The following NALF1 variants were observed in gnomAD, a reference collection of about 807,000 sequenced individuals.
NALF1 encodes the protein family with sequence similarity 155 member A.
A neutral mutation model predicts 48.4 loss-of-function variants in NALF1; 3 were observed. The ratio of observed to expected loss-of-function variants is 0.06; its 90% CI spans 0.03 to 0.16. NALF1 has a LOEUF of 0.16. Among genes scored for constraint, NALF1 ranks in the 10% least tolerant of loss-of-function variants. The pLI is 1.00. For missense variants in NALF1, 526 were observed against 571.5 expected (o/e 0.92, Z 0.81); for synonymous variants, 262 against 245.7 (o/e 1.07, Z -0.62).
intron 1 of NALF1, among the ~76,000 whole-genome samples, chr13:107,851,341 G>GT (rs34705065): frequency 0.022 from 3,168 of 143,326 alleles, 63 homozygotes; most frequent in African/African-American, 0.058. Context: ...CAGATGAACA[G>GT]TTTTTTTTTT....
At chr13:107,770,195 G>A (rs930635569) in intron 1 of NALF1, among the ~76,000 whole-genome samples, 3 of 152,154 alleles carry the variant, frequency 2.0e-5, no homozygotes, top group African/African-American at 7.2e-5. Flanking sequence ...TTACAGGCGT[G>A]AGCCACCGCG....
intron 1 of NALF1, among the ~76,000 whole-genome samples, chr13:107,248,039 T>C (rs1594088304): frequency 6.6e-6 from 1 of 152,238 alleles, no homozygotes; most frequent in South Asian, 2.1e-4. Flanking sequence ...AGGAGAGTTA[T>C]GCACCTGGGA....
chr13:107,721,370 C>G (rs940825710), intron 1 of NALF1, among the ~76,000 whole-genome samples: 2 of 152,208 alleles, frequency 1.3e-5, no homozygotes, highest in Non-Finnish European at 2.9e-5. Flanking sequence ...CCTTCCAGAA[C>G]ACAACTGTTG....
At chr13:107,646,765 T>C (rs527443946) in intron 1 of NALF1, among the ~76,000 whole-genome samples, 19 of 152,284 alleles carry the variant, frequency 1.2e-4, no homozygotes, top group African/African-American at 4.6e-4. Context: ...CATTGACAGC[T>C]ATCTTTAAGA....
At chr13:107,177,397 C>T (rs945638576) in intron 2 of NALF1, among the ~76,000 whole-genome samples, 8 of 152,066 alleles carry the variant, frequency 5.3e-5, no homozygotes, top group Non-Finnish European at 1.0e-4. Context: ...ACAAATAATT[C>T]TAAAATTTAT....
At chr13:107,709,810 G>A (rs1030156084) in intron 1 of NALF1, among the ~76,000 whole-genome samples, 10 of 152,172 alleles carry the variant, frequency 6.6e-5, no homozygotes, top group African/African-American at 2.4e-4. Context: ...ACAGTGCTAA[G>A]ATGACGATCT....
intron 1 of NALF1, among the ~76,000 whole-genome samples, chr13:107,751,166 G>C (rs190173158): frequency 9.2e-5 from 14 of 152,324 alleles, no homozygotes; most frequent in Non-Finnish European, 1.8e-4. Flanking sequence ...GGAGGTTTCA[G>C]TTGAGTGACC....
intron 1 of NALF1, among the ~76,000 whole-genome samples, chr13:107,843,104 T>C (rs553996989): frequency 8.5e-5 from 13 of 152,342 alleles, no homozygotes; most frequent in African/African-American, 2.4e-4. Flanking sequence ...TGAAGACTCA[T>C]GGTGGGCTGC....
chr13:107,757,799 C>T (rs1163001514), intron 1 of NALF1, among the ~76,000 whole-genome samples: 2 of 152,090 alleles, frequency 1.3e-5, no homozygotes, highest in Non-Finnish European at 2.9e-5. Flanking sequence ...ATCCACTTAA[C>T]TAATTTGAAG....
chr13:107,239,397 TCTC>T (rs1345830409), intron 1 of NALF1, among the ~76,000 whole-genome samples: 5 of 152,306 alleles, frequency 3.3e-5, no homozygotes, highest in Non-Finnish European at 7.4e-5. Flanking sequence ...CACATGGCCT[TCTC>T]CTATACGTTT....
Position 107,237,067 on chromosome 13 carries a change from T to C in NALF1, c.916-26312A>G, listed in dbSNP as rs145196964. Among the ~76,000 whole-genome samples, 1,314 of 146,230 alleles carry C rather than the reference T, an allele frequency of 9.0e-3. 22 individuals are homozygous for C. Among genetic ancestry groups the C allele is most frequent in the African/African-American group, 0.032 (1,265 of 39,980 alleles). ...GGGTCCTGAATCAATCCCACACAGA[T>C]ACCAAGGGAAAACTGTATGTGGTTT... is the stretch of plus-strand genomic sequence containing the variant. On this transcript the variant is annotated intron_variant, in intron 1 of 2. Transcript: ENST00000375915.
chr13:107,814,773 T>A (rs778531943), intron 1 of NALF1, among the ~76,000 whole-genome samples: 7 of 152,110 alleles, frequency 4.6e-5, no homozygotes, highest in African/African-American at 1.4e-4. Flanking sequence ...TTGATAGAAC[T>A]AAGCAGAAGA....
intron 1 of NALF1, among the ~76,000 whole-genome samples, chr13:107,690,742 G>A (rs1881548677): frequency 6.6e-6 from 1 of 152,148 alleles, no homozygotes; most frequent in Non-Finnish European, 1.5e-5. Flanking sequence ...CTTAACCAAA[G>A]GATCGAATGA....
At chr13:107,713,486 T>C (rs987805663) in intron 1 of NALF1, among the ~76,000 whole-genome samples, 1 of 152,198 alleles carries the variant, frequency 6.6e-6, no homozygotes, top group Non-Finnish European at 1.5e-5. Flanking sequence ...ATCCTCACAA[T>C]AGCATTGTAT....
chr13:107,836,836 G>A (rs1299952662), intron 1 of NALF1, among the ~76,000 whole-genome samples: 5 of 152,178 alleles, frequency 3.3e-5, no homozygotes, highest in African/African-American at 1.2e-4. Flanking sequence ...AACATTAGGT[G>A]ATGTTATTCA....
intron 1 of NALF1, among the ~76,000 whole-genome samples, chr13:107,388,254 T>G (rs1226107012): frequency 6.6e-6 from 1 of 152,230 alleles, no homozygotes; most frequent in Non-Finnish European, 1.5e-5. Flanking sequence ...AGAGAAAAGC[T>G]ATCAAGTATT....
intron 1 of NALF1, among the ~76,000 whole-genome samples, chr13:107,281,389 T>C (rs1881383333): frequency 6.6e-6 from 1 of 152,150 alleles, no homozygotes; most frequent in Non-Finnish European, 1.5e-5. Context: ...AGCTGATCCT[T>C]TAGCAATTGG....
chr13:107,866,572 G>T lies in NALF1; in HGVS notation c.25C>A (p.Arg9=), dbSNP rs753292869. MTRGAWMC[R]QYDDGLKIWL... ...ATTTTTAAGCCGTCGTCATACTGCC[G>T]ACACATCCAAGCACCCCTGGTCATA... Residue 9 remains arginine, a synonymous_variant, in exon 1 of 3, where the codon CGG becomes AGG. Coordinates refer to ENST00000375915, the MANE Select transcript of NALF1 (RefSeq NM_001080396.3). This position sits in a 1 kb window ranked among gnomAD's most constrained non-coding sequence, Gnocchi z 4.4. The T allele has an allele frequency of 3.1e-6, 5 of 1,609,924 alleles. No individual in the cohort carries two copies. The highest frequency in any genetic ancestry group is 3.4e-6 in the Non-Finnish European group (4 of 1,179,574).
intron 1 of NALF1, among the ~76,000 whole-genome samples, chr13:107,217,776 A>G (rs114838681): frequency 0.041 from 6,293 of 152,160 alleles, 173 homozygotes; most frequent in South Asian, 0.079. Context: ...TACTGACACC[A>G]GTGCTGCTCG....
Sources: gnomAD v4.1 joint callset for allele counts (sites outside exome capture counted in the v4.1 genomes callset) on GRCh38, gnomAD v4.1.1 for gene constraint, Gnocchi (gnomAD v3.1) non-coding constraint, MANE v1.5 for transcripts, NCBI Gene and HGNC (gene_info 2026-07-23, HGNC 2026-07-21) for gene names.